The following TECRL variants were observed in gnomAD, a reference collection of about 807,000 sequenced individuals.
TECRL encodes trans-2,3-enoyl-CoA reductase like.
In TECRL, 63 loss-of-function variants were observed where a neutral mutation model predicts 52.8. That is an observed-to-expected ratio of 1.19 (90% confidence interval 0.97 to 1.47). The LOEUF (loss-of-function observed/expected upper bound fraction) is 1.47. TECRL is among the 40% of genes most tolerant of loss of function. The probability of loss-of-function intolerance (pLI) is 0.00; values close to 1 mark genes in which losing one functional copy is unlikely to be tolerated. For synonymous variants in TECRL, 164 were observed against 141.9 expected (o/e 1.16, Z -1.10); for missense variants, 482 against 429.6 (o/e 1.12, Z -1.08).
chr4:64,284,129 ATTTG>A (rs1212278883), intron 9 of TECRL, among the ~76,000 whole-genome samples: 1 of 152,038 alleles, frequency 6.6e-6, no homozygotes, highest in African/African-American at 2.4e-5. Context: ...TTGAATAAAG[ATTTG>A]TTTATGTTTT....
At position 64,279,877 on chromosome 4, in the gene TECRL, T is replaced by G; in HGVS notation, c.*195A>C. On this transcript the variant is annotated 3_prime_UTR_variant, in exon 12 of 12. Transcript: ENST00000381210. ...ACATTCAGAGCTGTTCTTAGTTAAT[T>G]GCATTTATAATTTATACTTTTTATT... 2.6e-6 allele frequency: 3 copies of G among 1,134,260 alleles called. No homozygotes were observed. The highest frequency in any genetic ancestry group is 3.2e-6 in the Non-Finnish European group (3 of 925,354). The allele number at this position is 1,134,260 out of a possible 1,614,324, so 70.3% of individuals were successfully genotyped here. A position where few individuals can be genotyped will look rare whatever the true frequency, so the allele number is the denominator to read the frequency against.
At chr4:64,362,648 C>T (rs143716712) in intron 2 of TECRL, among the ~76,000 whole-genome samples, 1,907 of 152,108 alleles carry the variant, frequency 0.013, 47 homozygotes, top group African/African-American at 0.043. Flanking sequence ...GAAGTAAATG[C>T]TATGAGAATT....
At chr4:64,371,922 GATAGAA>G (rs1722001564) in intron 2 of TECRL, among the ~76,000 whole-genome samples, 1 of 151,734 alleles carries the variant, frequency 6.6e-6, no homozygotes, top group Admixed American at 6.6e-5. Flanking sequence ...ATTGGGTGAC[GATAGAA>G]ATAGAGTGGT....
At chr4:64,406,860 C>G (rs111393584) in intron 1 of TECRL, among the ~76,000 whole-genome samples, 3 of 151,862 alleles carry the variant, frequency 2.0e-5, no homozygotes, top group Admixed American at 1.3e-4. Context: ...CTTTTGTACA[C>G]TGGGTAGAGC....
At chr4:64,406,029 A>C (rs542178493) in intron 1 of TECRL, among the ~76,000 whole-genome samples, 2 of 152,232 alleles carry the variant, frequency 1.3e-5, no homozygotes, top group East Asian at 3.9e-4. Context: ...TGGGACTAGG[A>C]TACAGTGAGA....
chr4:64,281,902 AGT>A (rs1397839031), intron 9 of TECRL, among the ~76,000 whole-genome samples: 1 of 151,944 alleles, frequency 6.6e-6, no homozygotes, highest in African/African-American at 2.4e-5. Context: ...GAAATTATAA[AGT>A]GTGTTTTAAC....
At chr4:64,397,261 T>C (rs1444690512) in intron 1 of TECRL, among the ~76,000 whole-genome samples, 2 of 152,054 alleles carry the variant, frequency 1.3e-5, no homozygotes, top group Non-Finnish European at 2.9e-5. Context: ...GAATGGAATG[T>C]CATATTTATT....
At chr4:64,392,583 G>A (rs1339778555) in intron 1 of TECRL, among the ~76,000 whole-genome samples, 2 of 151,850 alleles carry the variant, frequency 1.3e-5, no homozygotes, top group South Asian at 4.1e-4. Flanking sequence ...TAATTTTAAG[G>A]CTTATAAAGT....
intron 1 of TECRL, among the ~76,000 whole-genome samples, chr4:64,398,079 A>ATTCCT (rs35793203): frequency 0.64 from 97,036 of 151,668 alleles, 32,319 homozygotes; most frequent in Non-Finnish European, 0.74. Flanking sequence ...TTCATTAAAC[A>ATTCCT]TTATTTTATA....
intron 2 of TECRL, among the ~76,000 whole-genome samples, chr4:64,359,428 C>G (rs1038194857): frequency 6.6e-6 from 1 of 151,780 alleles, no homozygotes; most frequent in African/African-American, 2.4e-5. Context: ...TATAAATAGA[C>G]TATATTTTCA....
At chr4:64,331,907 A>G (rs1260443521) in intron 2 of TECRL, among the ~76,000 whole-genome samples, 1 of 152,162 alleles carries the variant, frequency 6.6e-6, no homozygotes, top group Non-Finnish European at 1.5e-5. Context: ...ACAGGCATCC[A>G]CAATAATAAG....
intron 5 of TECRL, among the ~76,000 whole-genome samples, chr4:64,310,780 T>G (rs765000978): frequency 2.0e-5 from 3 of 152,194 alleles, no homozygotes; most frequent in Non-Finnish European, 4.4e-5. Context: ...CAGGCTGCAG[T>G]GCAGTGGCAT....
chr4:64,372,786 C>T (rs143230216), intron 2 of TECRL, among the ~76,000 whole-genome samples: 6 of 151,358 alleles, frequency 4.0e-5, no homozygotes, highest in African/African-American at 1.4e-4. Flanking sequence ...ATTCCCATTC[C>T]AGGGCCTGAA....
At chr4:64,323,398 A>C (rs893204433) in intron 3 of TECRL, among the ~76,000 whole-genome samples, 2 of 152,058 alleles carry the variant, frequency 1.3e-5, no homozygotes, top group African/African-American at 2.4e-5. Context: ...CTGCCTCAAA[A>C]TGAAAACAAA....
intron 2 of TECRL, among the ~76,000 whole-genome samples, chr4:64,371,871 A>G (rs568957547): frequency 2.6e-5 from 4 of 151,938 alleles, no homozygotes; most frequent in South Asian, 2.1e-4. Context: ...GTTCTAATAA[A>G]GTCATATTTT....
At chr4:64,287,602 T>G (rs1377863777) in intron 9 of TECRL, among the ~76,000 whole-genome samples, 1 of 152,130 alleles carries the variant, frequency 6.6e-6, no homozygotes, top group African/African-American at 2.4e-5. Flanking sequence ...TAATGGAGAC[T>G]CTGTAAACTT....
At chr4:64,300,647 TATC>T (rs1260524901) in intron 7 of TECRL, among the ~76,000 whole-genome samples, 1 of 151,146 alleles carries the variant, frequency 6.6e-6, no homozygotes, top group South Asian at 2.1e-4. Flanking sequence ...TTGATAAACC[TATC>T]ATCATATTTA....
chr4:64,284,062 A>G (rs1368652732), intron 9 of TECRL, among the ~76,000 whole-genome samples: 1 of 152,066 alleles, frequency 6.6e-6, no homozygotes, highest in Non-Finnish European at 1.5e-5. Flanking sequence ...AAATTATAGG[A>G]GAATACACAT....
At position 64,314,892 on chromosome 4, in the gene TECRL, A is replaced by C. The variant is rs534717348; in HGVS notation, c.436-129T>G. 4.5e-6 allele frequency: 3 copies of C among 670,066 alleles called. No individual in the cohort carries two copies. In the East Asian group the frequency reaches 8.4e-5, roughly 19 times the overall value. The allele number at this position is 670,066 out of a possible 1,614,324, so 41.5% of individuals were successfully genotyped here. ...AGATTTTTTGTAACTAGATTAAGTGATATTGCAAATAACGACTTCCTTGGA... is the reference window on the plus strand; with the variant it reads ...AGATTTTTTGTAACTAGATTAAGTGCTATTGCAAATAACGACTTCCTTGGA... On this transcript the variant is annotated intron_variant, in intron 4 of 11. Transcript: ENST00000381210.
Sources: gnomAD v4.1 joint callset for allele counts (sites outside exome capture counted in the v4.1 genomes callset) on GRCh38, gnomAD v4.1.1 for gene constraint, MANE v1.5 for transcripts, NCBI Gene and HGNC (gene_info 2026-07-23, HGNC 2026-07-21) for gene names.